The following DEPDC5 variants were observed in gnomAD, a reference collection of about 807,000 sequenced individuals.
The protein encoded by DEPDC5 is DEP domain containing 5, GATOR1 subcomplex subunit, also known as GATOR1 complex protein DEPDC5.
In DEPDC5, 73 loss-of-function variants were observed where a neutral mutation model predicts 217.3. The ratio of observed to expected loss-of-function variants is 0.34; its 90% CI spans 0.28 to 0.41. The LOEUF (loss-of-function observed/expected upper bound fraction) is 0.41. Among genes scored for constraint, DEPDC5 ranks in the 10% least tolerant of loss-of-function variants. The pLI, the probability that DEPDC5 is intolerant of heterozygous loss-of-function variation, is 1.00. For missense variants in DEPDC5, 1,675 were observed against 2,070.1 expected (o/e 0.81, Z 3.70); for synonymous variants, 733 against 756.7 (o/e 0.97, Z 0.51).
intron 41 of DEPDC5, among the ~76,000 whole-genome samples, chr22:31,903,125 C>T (rs138688862): frequency 0.014 from 2,108 of 151,344 alleles, 19 homozygotes; most frequent in Middle Eastern, 0.031. Flanking sequence ...GCAGTGTGCT[C>T]CTTACCTAAA....
intron 24 of DEPDC5, among the ~76,000 whole-genome samples, chr22:31,829,405 G>T (rs989896098): frequency 1.3e-5 from 2 of 152,120 alleles, no homozygotes; most frequent in African/African-American, 4.8e-5. Flanking sequence ...GGTGGCGGGC[G>T]CCTGTAATCC....
intron 3 of DEPDC5, among the ~76,000 whole-genome samples, chr22:31,759,058 G>A (rs1010111311): frequency 6.6e-6 from 1 of 151,608 alleles, no homozygotes; most frequent in Non-Finnish European, 1.5e-5. Flanking sequence ...TCAGCCTCCC[G>A]AGTAGCTGAG....
chr22:31,796,550 A>T (rs1000160973), intron 12 of DEPDC5, among the ~76,000 whole-genome samples: 9 of 152,190 alleles, frequency 5.9e-5, no homozygotes, highest in Admixed American at 5.2e-4. Context: ...AGTTTTTATG[A>T]TAAATTGCCA....
chr22:31,764,846 A>G (rs991860385), intron 4 of DEPDC5, 129 bp from the exon 5 acceptor site: 35 of 640,174 alleles, frequency 5.5e-5, no homozygotes, highest in Non-Finnish European at 3.1e-5. Context: ...CCTGAAAGGA[A>G]GAGACTGTGT....
chr22:31,880,467 C>T (rs867272882), intron 38 of DEPDC5, among the ~76,000 whole-genome samples: 1 of 152,144 alleles, frequency 6.6e-6, no homozygotes, highest in Non-Finnish European at 1.5e-5. Flanking sequence ...TCCTGAAAGC[C>T]CTCTGAAAGG....
intron 9 of DEPDC5, 81 bp downstream of exon 9, chr22:31,784,066 G>T: frequency 9.0e-7 from 1 of 1,115,568 alleles, no homozygotes; most frequent in Non-Finnish European, 1.3e-6. Flanking sequence ...AATGCCCAGG[G>T]TCCCCCACAT....
chr22:31,828,541 A>G (rs955276550), intron 24 of DEPDC5, among the ~76,000 whole-genome samples: 8 of 151,604 alleles, frequency 5.3e-5, no homozygotes, highest in African/African-American at 1.7e-4. Context: ...CTTTCTCTCT[A>G]CTGAAGCATG....
chr22:31,775,144 A>G (rs570135530), intron 7 of DEPDC5, among the ~76,000 whole-genome samples: 59 of 151,382 alleles, frequency 3.9e-4, no homozygotes, highest in African/African-American at 1.4e-3. Context: ...CTCATGGTAC[A>G]CAGCATTTTC....
rs1358373201 is a variant in DEPDC5 at position 31,906,115 on chromosome 22, T to A, written c.4519+49T>A. On this transcript the variant is annotated intron_variant, in intron 42 of 42. Coordinates refer to ENST00000651528, the MANE Select transcript of DEPDC5 (RefSeq NM_001242896.3). This position sits in a 1 kb window ranked among gnomAD's most constrained non-coding sequence, Gnocchi z 5.1. ...GGCAGGTGGGTCCACATCCCTTTCC[T>A]TGCACCAAGCCTATGGCTGCAGAAC... The A allele has an allele frequency of 6.2e-7, 1 of 1,613,638 alleles. No homozygotes were observed. The highest frequency in any genetic ancestry group is 1.3e-5 in the African/African-American group (1 of 74,918).
Position 31,822,677 on chromosome 22 carries a change from G to A in DEPDC5, c.2007-16G>A. 1 of 1,613,598 alleles carries A rather than the reference G, an allele frequency of 6.2e-7. No homozygotes were observed. On this transcript the variant is annotated splice_polypyrimidine_tract_variant and intron_variant, in intron 23 of 42. Coordinates refer to ENST00000651528, the MANE Select transcript of DEPDC5 (RefSeq NM_001242896.3). ...GATCTACATTAAGCCAGGTGGCTGGGCTCTGTTCTCTGCAGGCACAGCAAT... is the reference window on the plus strand; with the variant it reads ...GATCTACATTAAGCCAGGTGGCTGGACTCTGTTCTCTGCAGGCACAGCAAT...
intron 17 of DEPDC5, among the ~76,000 whole-genome samples, chr22:31,805,606 T>G (rs1602004149): frequency 6.6e-6 from 1 of 152,030 alleles, no homozygotes; most frequent in Non-Finnish European, 1.5e-5. Flanking sequence ...GTTCAAGTGA[T>G]TCTCTTGCCT....
intron 33 of DEPDC5, among the ~76,000 whole-genome samples, 180 bp downstream of exon 33, chr22:31,861,613 G>T (rs1221667153): frequency 6.6e-6 from 1 of 152,194 alleles, no homozygotes; most frequent in Non-Finnish European, 1.5e-5. Flanking sequence ...CGAAGGGGGG[G>T]ATGGAAGAGG....
Position 31,882,126 on chromosome 22 carries a change from T to C in DEPDC5, c.4033+2374T>C, listed in dbSNP as rs138909778. Among the ~76,000 whole-genome samples the C allele has an allele frequency of 4.4e-3, 673 of 152,310 alleles. 1 individual carries two copies. The highest frequency in any genetic ancestry group is 0.014 in the African/African-American group (566 of 41,568). On this transcript the variant is annotated intron_variant, in intron 38 of 42. Transcript: ENST00000651528. ...AAGTACAGTGTTAATCATTCACTTATAGCACTAGGCTGCATACGAGAAGCT... is the reference window on the plus strand; with the variant it reads ...AAGTACAGTGTTAATCATTCACTTACAGCACTAGGCTGCATACGAGAAGCT...
In DEPDC5 at chr22:31,845,252, G is replaced by T. The variant is rs780759975; in HGVS notation, c.3021+15G>T. 4 of 1,608,558 alleles carry T rather than the reference G, an allele frequency of 2.5e-6. No homozygotes were observed. In the African/African-American group the frequency reaches 4.0e-5, roughly 16 times the overall value. On this transcript the variant is annotated intron_variant, in intron 30 of 42. Coordinates refer to ENST00000651528, the MANE Select transcript of DEPDC5 (RefSeq NM_001242896.3). ...GCATGATGCGGGTAAGGGCTCCTTAGACTCAGGGAGTGCGCCTGGTGTGAG... is the reference window on the plus strand; with the variant it reads ...GCATGATGCGGGTAAGGGCTCCTTATACTCAGGGAGTGCGCCTGGTGTGAG...
chr22:31,874,053 A>G, intron 35 of DEPDC5: 1 of 544,624 alleles, frequency 1.8e-6, no homozygotes, highest in Admixed American at 4.0e-5. Context: ...TCAGCCTCCC[A>G]AAGTGCTGGG....
chr22:31,766,636 C>T lies in DEPDC5; in HGVS notation c.331C>T (p.Arg111Cys), dbSNP rs866638369. The T allele has an allele frequency of 3.7e-6, 6 of 1,613,558 alleles. No individual in the cohort carries two copies. Among genetic ancestry groups the T allele is most frequent in the South Asian group, 1.1e-5 (1 of 90,970 alleles). Reference sequence around the variant, plus strand: ...AACTTTTAAGGATCAGTATATTGGCCGTGGGGATATGTGGCGACTAAAGAA... The same window carrying T: ...AACTTTTAAGGATCAGTATATTGGCTGTGGGGATATGTGGCGACTAAAGAA... The part of the protein sequence containing the change: ...ELTFKDQYIG[R>C]GDMWRLKKSL... Residue 111 changes from arginine (R) to cysteine (C), a missense_variant, in exon 6 of 43, where the codon CGT becomes TGT. By Grantham distance (180) the Arg-to-Cys change is radical. Around this residue, in one of 11 missense-constraint regions of DEPDC5, gnomAD observed 628 missense variants for 762.1 expected, o/e 0.82. Coordinates refer to ENST00000651528, the MANE Select transcript of DEPDC5 (RefSeq NM_001242896.3).
chr22:31,877,303 G>A (rs1227883767), intron 37 of DEPDC5, among the ~76,000 whole-genome samples: 7 of 150,732 alleles, frequency 4.6e-5, no homozygotes, highest in South Asian at 2.1e-4. Flanking sequence ...CGGGTGTGGC[G>A]GCAGGCACCT....
Position 31,857,675 on chromosome 22 carries a change from C to A in DEPDC5, c.3264+122C>A. 1.5e-5 allele frequency: 11 copies of A among 747,216 alleles called. 1 individual carries two copies. The South Asian group carries it at 1.7e-4, about 12-fold the overall frequency. The allele number at this position is 747,216 out of a possible 1,614,324, so 46.3% of individuals were successfully genotyped here. On this transcript the variant is annotated intron_variant, in intron 32 of 42. Coordinates refer to ENST00000651528, the MANE Select transcript of DEPDC5 (RefSeq NM_001242896.3). Reference sequence around the variant, plus strand: ...GCAGAGGCTTTGGATGAATTCTACCCTGAACCCTTTAAAGGTTCTATTACT... The same window carrying A: ...GCAGAGGCTTTGGATGAATTCTACCATGAACCCTTTAAAGGTTCTATTACT...
At position 31,833,993 on chromosome 22, in the gene DEPDC5, A is replaced by G. The variant is rs760392755; in HGVS notation, c.2170+13A>G. 9 of 1,613,252 alleles carry G rather than the reference A, an allele frequency of 5.6e-6. No homozygotes were observed. The highest frequency in any genetic ancestry group is 7.6e-6 in the Non-Finnish European group (9 of 1,179,256). On this transcript the variant is annotated intron_variant, in intron 25 of 42. Coordinates refer to ENST00000651528, the MANE Select transcript of DEPDC5 (RefSeq NM_001242896.3). ...TCTCCAGACCCAAGTAAGAGGGGGC[A>G]GCTGACTGGGGAAAGGGGTAGACAG...
Sources: gnomAD v4.1 joint callset for allele counts (sites outside exome capture counted in the v4.1 genomes callset) on GRCh38, gnomAD v4.1.1 for gene constraint, gnomAD v4.1.1 regional missense constraint, Gnocchi (gnomAD v3.1) non-coding constraint, MANE v1.5 for transcripts, NCBI Gene and HGNC (gene_info 2026-07-23, HGNC 2026-07-21) for gene names.